SMOC1: variants seen among roughly 807,000 people sequenced by gnomAD.
SMOC1 encodes SPARC related modular calcium binding 1, also known as SPARC-related modular calcium-binding protein 1.
SMOC1 carries 22 observed loss-of-function variants against 56.3 expected under a neutral mutation model. That is an observed-to-expected ratio of 0.39 (90% CI 0.28 to 0.56). The LOEUF (loss-of-function observed/expected upper bound fraction) is 0.56. Among genes scored for constraint, SMOC1 ranks in the 20% least tolerant of loss-of-function variants. The pLI is 0.61. For synonymous variants in SMOC1, 193 were observed against 215.0 expected (o/e 0.90, Z 0.89); for missense variants, 509 against 565.4 (o/e 0.90, Z 1.01).
intron 3 of SMOC1, among the ~76,000 whole-genome samples, chr14:69,960,384 A>G (rs1376975362): frequency 6.6e-6 from 1 of 152,076 alleles, no homozygotes; most frequent in Non-Finnish European, 1.5e-5. Flanking sequence ...GCCCCTTTGG[A>G]TGCTGCAGAA....
At chr14:69,943,753 A>G (rs1357428896) in intron 1 of SMOC1, among the ~76,000 whole-genome samples, 2 of 152,326 alleles carry the variant, frequency 1.3e-5, no homozygotes, top group East Asian at 3.9e-4. Flanking sequence ...GAGCTGGACC[A>G]TGATTTACAA....
chr14:69,886,678 C>T (rs1883818678), intron 1 of SMOC1, among the ~76,000 whole-genome samples: 1 of 152,198 alleles, frequency 6.6e-6, no homozygotes, highest in African/African-American at 2.4e-5. Flanking sequence ...TTCCATTTGA[C>T]TAGCCCATCC....
chr14:69,995,525 T>C (rs569484716), intron 7 of SMOC1, among the ~76,000 whole-genome samples: 8 of 152,322 alleles, frequency 5.3e-5, no homozygotes, highest in African/African-American at 1.9e-4. Context: ...TTTGACAGAA[T>C]AGTGCAGTGG....
At chr14:70,022,461 A>C (rs1318791282) in intron 10 of SMOC1, among the ~76,000 whole-genome samples, 1 of 152,174 alleles carries the variant, frequency 6.6e-6, no homozygotes, top group African/African-American at 2.4e-5. Flanking sequence ...TGGTGAATAC[A>C]TGGTTTCCTG....
At chr14:69,953,722 C>T in intron 3 of SMOC1, among the ~76,000 whole-genome samples, 190 bp downstream of exon 3, 1 of 152,228 alleles carries the variant, frequency 6.6e-6, no homozygotes, top group Non-Finnish European at 1.5e-5. Context: ...CTCTTGCCAA[C>T]TGGCAGTAGG....
chr14:69,940,049 C>A (rs1052284167), intron 1 of SMOC1, among the ~76,000 whole-genome samples: 2 of 152,220 alleles, frequency 1.3e-5, no homozygotes, highest in East Asian at 3.8e-4. Flanking sequence ...GAACTTGAAT[C>A]TTTTGGATGC....
chr14:69,946,664 C>T (rs1882795164), intron 1 of SMOC1, among the ~76,000 whole-genome samples: 1 of 152,158 alleles, frequency 6.6e-6, no homozygotes, highest in African/African-American at 2.4e-5. Flanking sequence ...TGCTCCTGAG[C>T]GACTCCAAAC....
intron 1 of SMOC1, among the ~76,000 whole-genome samples, chr14:69,899,357 A>G (rs1884181893): frequency 6.6e-6 from 1 of 152,126 alleles, no homozygotes; most frequent in Non-Finnish European, 1.5e-5. Context: ...ATGATTTAGC[A>G]TCATCCTTTT....
chr14:70,024,419 C>A (rs1885848798), intron 11 of SMOC1, among the ~76,000 whole-genome samples: 1 of 152,050 alleles, frequency 6.6e-6, no homozygotes, highest in Non-Finnish European at 1.5e-5. Context: ...ATGATTTTTG[C>A]ATTTGTAAAG....
Position 69,977,832 on chromosome 14 carries a change from T to A in SMOC1, c.479-86T>A. ...ACATATATACATGACCATATGCTCA[T>A]AACATCAGGTTTTGCCAACTCTTAG... On this transcript the variant is annotated intron_variant, in intron 4 of 11. Transcript: ENST00000361956. 7 of 1,009,468 alleles carry A rather than the reference T, an allele frequency of 6.9e-6. No homozygotes were observed. In the South Asian group the frequency reaches 8.9e-5, roughly 13 times the overall value. The allele number at this position is 1,009,468 out of a possible 1,614,324, so 62.5% of individuals were successfully genotyped here. A position where few individuals can be genotyped will look rare whatever the true frequency, so the allele number is the denominator to read the frequency against.
chr14:69,927,252 G>A (rs1229022965), intron 1 of SMOC1, among the ~76,000 whole-genome samples: 1 of 152,390 alleles, frequency 6.6e-6, no homozygotes, highest in East Asian at 1.9e-4. Flanking sequence ...TGGGCTTTGG[G>A]TTTGGTTTTG....
chr14:69,918,974 G>GT (rs1437158698), intron 1 of SMOC1, among the ~76,000 whole-genome samples: 15 of 152,206 alleles, frequency 9.9e-5, no homozygotes, highest in African/African-American at 3.6e-4. Context: ...GTGATCGTGG[G>GT]TTTTTTTGTT....
intron 1 of SMOC1, among the ~76,000 whole-genome samples, chr14:69,935,857 C>T (rs544173203): frequency 6.6e-6 from 1 of 152,286 alleles, no homozygotes; most frequent in East Asian, 1.9e-4. Flanking sequence ...AGATCCTGTG[C>T]CTAGCACAGT....
At chr14:69,939,448 A>G (rs1882467507) in intron 1 of SMOC1, among the ~76,000 whole-genome samples, 1 of 152,252 alleles carries the variant, frequency 6.6e-6, no homozygotes, top group African/African-American at 2.4e-5. Context: ...TATGGGAGCT[A>G]CAAGTCAAGA....
intron 1 of SMOC1, among the ~76,000 whole-genome samples, chr14:69,913,008 G>A (rs897479378): frequency 6.6e-6 from 1 of 152,180 alleles, no homozygotes; most frequent in Non-Finnish European, 1.5e-5. Context: ...TAGAAAGTGG[G>A]AGGAACGATG....
intron 1 of SMOC1, among the ~76,000 whole-genome samples, chr14:69,918,893 A>G (rs75650777): frequency 4.6e-4 from 70 of 152,320 alleles, no homozygotes; most frequent in African/African-American, 1.5e-3. Context: ...ACAAGATCAC[A>G]TACAACCCAG....
At chr14:70,014,826 G>A (rs1273705073) in intron 10 of SMOC1, among the ~76,000 whole-genome samples, 1 of 152,186 alleles carries the variant, frequency 6.6e-6, no homozygotes, top group African/African-American at 2.4e-5. Flanking sequence ...TTATCCATAA[G>A]GCAAGGAATG....
intron 1 of SMOC1, among the ~76,000 whole-genome samples, chr14:69,945,215 T>C (rs531061841): frequency 4.5e-4 from 68 of 152,372 alleles, no homozygotes; most frequent in African/African-American, 1.6e-3. Context: ...CAATCTTTTA[T>C]AGACGTGTAA....
intron 1 of SMOC1, among the ~76,000 whole-genome samples, chr14:69,909,316 C>T (rs980533408): frequency 2.6e-5 from 4 of 152,224 alleles, no homozygotes; most frequent in African/African-American, 9.6e-5. Context: ...GAAATATCGC[C>T]TTATGATCTG....
Sources: allele counts gnomAD v4.1 joint callset (sites outside exome capture counted in the v4.1 genomes callset), GRCh38; gene constraint gnomAD v4.1.1; transcripts MANE v1.5; gene names NCBI Gene and HGNC (gene_info 2026-07-23, HGNC 2026-07-21).